Variants in PTK2 observed in about 807,000 individuals in gnomAD.
PTK2 encodes the protein focal adhesion kinase 1.
In PTK2, 45 loss-of-function variants were observed where a neutral mutation model predicts 150.1. The observed-to-expected ratio is 0.30, with a 90% CI of 0.24 to 0.38. The LOEUF is 0.38. Among genes scored for constraint, PTK2 ranks in the 10% least tolerant of loss-of-function variants. The pLI, the probability that PTK2 is intolerant of heterozygous loss-of-function variation, is 1.00. For missense variants in PTK2, 919 were observed against 1,307.3 expected (o/e 0.70, Z 4.58); for synonymous variants, 432 against 449.2 (o/e 0.96, Z 0.48).
At chr8:140,953,849 G>C (rs1012828065) in intron 1 of PTK2, among the ~76,000 whole-genome samples, 10 of 152,150 alleles carry the variant, frequency 6.6e-5, no homozygotes, top group Admixed American at 3.9e-4. Context: ...ACAGTGGAAC[G>C]ATCCTGGCTC....
At chr8:140,904,067 T>C (rs201687167) in intron 2 of PTK2, among the ~76,000 whole-genome samples, 1 of 152,222 alleles carries the variant, frequency 6.6e-6, no homozygotes, top group South Asian at 2.1e-4. Context: ...GACGGCATCC[T>C]TGTCTTGTGC....
At chr8:140,732,158 T>G (rs555576891) in intron 22 of PTK2, among the ~76,000 whole-genome samples, 1 of 152,352 alleles carries the variant, frequency 6.6e-6, no homozygotes, top group South Asian at 2.1e-4. Context: ...ATTTAGTTAT[T>G]GTGATACACT....
intron 4 of PTK2, among the ~76,000 whole-genome samples, chr8:140,867,780 C>G (rs1230507930): frequency 6.6e-6 from 1 of 152,224 alleles, no homozygotes; most frequent in Admixed American, 6.5e-5. Context: ...CCTGCTTCAA[C>G]ACACTACAGT....
intron 27 of PTK2, among the ~76,000 whole-genome samples, chr8:140,681,520 C>T (rs537197792): frequency 2.2e-4 from 34 of 151,790 alleles, no homozygotes; most frequent in Non-Finnish European, 4.0e-4. Context: ...GCCTGGAATC[C>T]CAGCACTTTG....
At chr8:140,908,219 T>C (rs2100161730) in intron 2 of PTK2, among the ~76,000 whole-genome samples, 1 of 152,170 alleles carries the variant, frequency 6.6e-6, no homozygotes, top group Non-Finnish European at 1.5e-5. Context: ...CAACATTCCC[T>C]TAAGCCAAAG....
At chr8:140,789,391 A>T in intron 14 of PTK2, 83 bp downstream of exon 14, 1 of 1,361,036 alleles carries the variant, frequency 7.3e-7, no homozygotes, top group Non-Finnish European at 1.0e-6. Flanking sequence ...TCTAGAACGA[A>T]GCAATTATAC....
intron 1 of PTK2, among the ~76,000 whole-genome samples, chr8:140,944,720 G>A (rs2100177074): frequency 6.6e-6 from 1 of 152,192 alleles, no homozygotes; most frequent in Non-Finnish European, 1.5e-5. Context: ...CAGCCGGCAA[G>A]TAATATTTGT....
intron 22 of PTK2, among the ~76,000 whole-genome samples, chr8:140,723,859 T>TA (rs2100044347): frequency 6.6e-6 from 1 of 152,246 alleles, no homozygotes; most frequent in Non-Finnish European, 1.5e-5. Flanking sequence ...TATTTAGTGT[T>TA]AGTTTTATTT....
chr8:140,693,564 T>TTAAAAAA lies in PTK2; in HGVS notation c.2500-6871_2500-6870insTTTTTTA, dbSNP rs1181421194. Among the ~76,000 whole-genome samples, 13 of 72,458 alleles carry TTAAAAAA rather than the reference T, an allele frequency of 1.8e-4. 4 individuals are homozygous for TTAAAAAA. The highest frequency in any genetic ancestry group is 7.8e-4 in the African/African-American group (13 of 16,654). The allele number at this position is 72,458 out of a possible 152,430, so 47.5% of individuals were successfully genotyped here. A position where few individuals can be genotyped will look rare whatever the true frequency, so the allele number is the denominator to read the frequency against. Reference sequence around the variant, plus strand: ...CCACAGAGTGAGACTTTGTCTCAATTAAAAAAAAAAAAAAAAAAAAAAAAA... The same window carrying TTAAAAAA: ...CCACAGAGTGAGACTTTGTCTCAATTTAAAAAAAAAAAAAAAAAAAAAAAAAAAAAAA... On this transcript the variant is annotated intron_variant, in intron 26 of 31. Coordinates refer to ENST00000522684, the Ensembl canonical transcript of PTK2.
chr8:140,794,023 A>C (rs1255688441), intron 12 of PTK2, among the ~76,000 whole-genome samples: 6 of 152,080 alleles, frequency 3.9e-5, no homozygotes, highest in African/African-American at 7.2e-5. Flanking sequence ...GGTGAGGGAA[A>C]CGCTTTCTTT....
chr8:140,676,380 AAATT>A (rs57904871), intron 27 of PTK2, among the ~76,000 whole-genome samples: 5,576 of 131,498 alleles, frequency 0.042, 218 homozygotes, highest in East Asian at 0.2. Flanking sequence ...TGTCTCAAAA[AAATT>A]AATTAATTAA....
At chr8:140,890,570 G>C (rs1460434678) in exon 3 of PTK2, 1 of 1,614,076 alleles carries the variant, frequency 6.2e-7, no homozygotes, top group Non-Finnish European at 8.5e-7. Context: ...CTCCATGCCT[G>C]ATAATACTGG....
At chr8:140,869,897 A>C (rs997755779) in intron 4 of PTK2, among the ~76,000 whole-genome samples, 6 of 151,510 alleles carry the variant, frequency 4.0e-5, no homozygotes, top group African/African-American at 1.5e-4. Flanking sequence ...TAAATCGACA[A>C]TTACAGTTGA....
chr8:140,667,473 T>A (rs2093022775), intron 30 of PTK2, among the ~76,000 whole-genome samples: 1 of 151,626 alleles, frequency 6.6e-6, no homozygotes, highest in Admixed American at 6.6e-5. Flanking sequence ...TCTCTTTTTT[T>A]TTTTTTTTAA....
intron 26 of PTK2, among the ~76,000 whole-genome samples, chr8:140,691,202 G>C (rs1437834881): frequency 2.0e-5 from 3 of 147,822 alleles, no homozygotes; most frequent in South Asian, 4.5e-4. Context: ...GTTGGGGGTG[G>C]GGGGTCTCAC....
chr8:140,683,102 C>T (rs1209065479), intron 27 of PTK2, among the ~76,000 whole-genome samples: 1 of 151,970 alleles, frequency 6.6e-6, no homozygotes, highest in Non-Finnish European at 1.5e-5. Flanking sequence ...TGACTGATCA[C>T]TAGCTAGACT....
chr8:140,818,999 T>C, exon 9 of PTK2: 2 of 1,613,300 alleles, frequency 1.2e-6, no homozygotes, highest in Non-Finnish European at 1.7e-6. Flanking sequence ...GTTTGTTGGA[T>C]CAGTTTTCTT....
chr8:140,717,979 A>G, intron 22 of PTK2: 1 of 349,186 alleles, frequency 2.9e-6, no homozygotes, highest in South Asian at 3.7e-5. Context: ...CAGAAAATGA[A>G]GGATGGGCCA....
intron 7 of PTK2, among the ~76,000 whole-genome samples, chr8:140,831,693 T>C (rs1475321617): frequency 6.6e-6 from 1 of 152,252 alleles, no homozygotes; most frequent in Non-Finnish European, 1.5e-5. Flanking sequence ...TTCTATGATA[T>C]ACTACTTTCT....
Sources: gnomAD v4.1 joint callset for allele counts (sites outside exome capture counted in the v4.1 genomes callset) on GRCh38, gnomAD v4.1.1 for gene constraint, MANE v1.5 for transcripts, NCBI Gene and HGNC (gene_info 2026-07-23, HGNC 2026-07-21) for gene names.